Variants in CASZ1 observed in about 807,000 individuals in gnomAD.
CASZ1 encodes the protein zinc finger protein castor homolog 1.
A neutral mutation model predicts 135.2 loss-of-function variants in CASZ1; 28 were observed. The observed-to-expected ratio is 0.21, with a 90% confidence interval of 0.15 to 0.28. The LOEUF is 0.28. Among genes scored for constraint, CASZ1 ranks in the 10% least tolerant of loss-of-function variants. The probability of loss-of-function intolerance (pLI) is 1.00; values close to 1 mark genes in which losing one functional copy is unlikely to be tolerated. For missense variants in CASZ1, 2,161 were observed against 2,453.3 expected (o/e 0.88, Z 2.52); for synonymous variants, 1,068 against 1,073.4 (o/e 0.99, Z 0.10).
At position 10,724,988 on chromosome 1, in the gene CASZ1, T is replaced by C. The variant is rs947507320; in HGVS notation, c.-76-19444A>G. 1.3e-5 allele frequency among the ~76,000 whole-genome samples: 2 copies of C among 152,216 alleles called. No individual in the cohort carries two copies. Among genetic ancestry groups the C allele is most frequent in the Non-Finnish European group, 2.9e-5 (2 of 68,032 alleles). On this transcript the variant is annotated intron_variant, in intron 2 of 20. Transcript: ENST00000377022. The surrounding 1 kb of genome is among the most constrained non-coding windows in gnomAD (Gnocchi z 4.1). ...CAAATTACTTAATGTGTTGTAAATC[T>C]GGGGGAATTCAGGAGTAATTGGGAC...
chr1:10,675,322 G>A (rs554547764), intron 4 of CASZ1, among the ~76,000 whole-genome samples: 6 of 152,332 alleles, frequency 3.9e-5, no homozygotes, highest in Admixed American at 6.5e-5. Context: ...GACAGAGGAC[G>A]GGGCCAGGGT....
Position 10,759,403 on chromosome 1 carries a change from G to T in CASZ1, c.-77+1298C>A, listed in dbSNP as rs1640320989. On this transcript the variant is annotated intron_variant, in intron 2 of 20. Transcript: ENST00000377022. This position sits in a 1 kb window ranked among gnomAD's most constrained non-coding sequence, Gnocchi z 4.2. ...TAAACAGCCCCGGTGCTATCCAGGGGACAACGGCAGCACATCCTAAGTACG... is the reference window on the plus strand; with the variant it reads ...TAAACAGCCCCGGTGCTATCCAGGGTACAACGGCAGCACATCCTAAGTACG... Among the ~76,000 whole-genome samples the T allele has an allele frequency of 6.6e-6, 1 of 152,126 alleles. No homozygotes were observed. Among genetic ancestry groups the T allele is most frequent in the South Asian group, 2.1e-4 (1 of 4,830 alleles).
chr1:10,758,288 G>C (rs1016084530), intron 2 of CASZ1, among the ~76,000 whole-genome samples: 3 of 150,712 alleles, frequency 2.0e-5, no homozygotes, highest in Non-Finnish European at 2.9e-5. Flanking sequence ...CTGTTTGCTG[G>C]TGAGTGACTG....
At chr1:10,782,671 G>A (rs1441536471) in intron 1 of CASZ1, among the ~76,000 whole-genome samples, 1 of 152,128 alleles carries the variant, frequency 6.6e-6, no homozygotes, top group Non-Finnish European at 1.5e-5. Flanking sequence ...AGAGTAAAAT[G>A]TACAGCTGGG....
rs776231987 is a variant in CASZ1 at position 10,643,267 on chromosome 1, C to T, written c.3913G>A (p.Glu1305Lys). ...AGGAGGAAGGAGAACTGGCAGCCCT[C>T]CCGGATGCAGTGGAAGTGGCTGTTC... ...QVNSHFHCIR[E>K]GCQFSFLLKH... is the part of the protein sequence containing the mutation. Residue 1305 changes from glutamate to lysine, a missense_variant, in exon 19 of 21, where the codon GAG becomes AAG. Around this residue, in one of 7 missense-constraint regions of CASZ1, gnomAD observed 349 missense variants for 460.8 expected, o/e 0.76. Transcript: ENST00000377022. 2 of 1,613,160 alleles carry T rather than the reference C, an allele frequency of 1.2e-6. No homozygotes were observed. The highest frequency in any genetic ancestry group is 1.1e-5 in the South Asian group (1 of 91,050).
At position 10,705,885 on chromosome 1, in the gene CASZ1, G is replaced by A. The variant is rs556853293; in HGVS notation, c.-76-341C>T. ...GGAGGAGGCCGGGAGTGGGGGTGCT[G>A]GTGAAGTGGCCTGCACGCTCCCGTG... is the stretch of plus-strand genomic sequence containing the variant. On this transcript the variant is annotated intron_variant, in intron 2 of 20. Transcript: ENST00000377022. Among the ~76,000 whole-genome samples the A allele has an allele frequency of 7.2e-5, 11 of 152,380 alleles. 1 individual carries two copies. In the South Asian group the frequency reaches 2.3e-3, roughly 32 times the overall value.
chr1:10,670,434 G>A (rs867610040), intron 4 of CASZ1, among the ~76,000 whole-genome samples: 7 of 152,316 alleles, frequency 4.6e-5, no homozygotes, highest in Non-Finnish European at 7.4e-5. Flanking sequence ...AGTCAGGGGC[G>A]GGCGGCTGCC....
At chr1:10,743,245 C>T (rs1273377768) in intron 2 of CASZ1, among the ~76,000 whole-genome samples, 1 of 151,892 alleles carries the variant, frequency 6.6e-6, no homozygotes, top group East Asian at 1.9e-4. Flanking sequence ...AATCAGGGTC[C>T]AGTTAGCTGT....
At chr1:10,662,594 TCACA>T (rs936046168) in intron 5 of CASZ1, among the ~76,000 whole-genome samples, 5 of 142,564 alleles carry the variant, frequency 3.5e-5, no homozygotes, top group African/African-American at 1.1e-4. Context: ...ACACACACAA[TCACA>T]CACACTCTCA....
chr1:10,664,727 C>T (rs935365585), intron 5 of CASZ1, among the ~76,000 whole-genome samples: 2 of 152,112 alleles, frequency 1.3e-5, no homozygotes, highest in African/African-American at 4.8e-5. Context: ...GCTCAGGCCT[C>T]ACAGGTGTGT....
intron 1 of CASZ1, among the ~76,000 whole-genome samples, chr1:10,791,329 T>C (rs1640952562): frequency 6.6e-6 from 1 of 152,208 alleles, no homozygotes; most frequent in African/African-American, 2.4e-5. Context: ...AAAAACTTAG[T>C]CTTTCCAATT....
At chr1:10,645,247 AGGGCC>A (rs1570400813) in intron 17 of CASZ1, among the ~76,000 whole-genome samples, 159 bp from the exon 18 acceptor site, 1 of 152,202 alleles carries the variant, frequency 6.6e-6, no homozygotes, top group African/African-American at 2.4e-5. Context: ...AAAGCAGCGC[AGGGCC>A]GGGCGCGGTG....
At chr1:10,651,143 C>A in intron 11 of CASZ1, 67 bp from the exon 12 acceptor site, 1 of 1,342,452 alleles carries the variant, frequency 7.4e-7, no homozygotes, top group South Asian at 1.8e-5. Flanking sequence ...AGACAGCCGC[C>A]GTGCCCCCTG....
Position 10,693,922 on chromosome 1 carries a change from A to G in CASZ1, c.-23-10T>C, listed in dbSNP as rs1638847169. 6.2e-7 allele frequency: 1 copy of G among 1,612,224 alleles called. No homozygotes were observed. On this transcript the variant is annotated splice_polypyrimidine_tract_variant and intron_variant, in intron 3 of 20. Coordinates refer to ENST00000377022, the MANE Select transcript of CASZ1 (RefSeq NM_001079843.3). ...TCCTTGGTCCCAAACTCTTCGCAGA[A>G]CGCCACCAGGGGAAGACCGGGAGAG... is the stretch of plus-strand genomic sequence containing the variant.
intron 4 of CASZ1, among the ~76,000 whole-genome samples, chr1:10,665,957 A>AG (rs1423107273): frequency 6.6e-6 from 1 of 152,152 alleles, no homozygotes; most frequent in Non-Finnish European, 1.5e-5. Context: ...ACTGAGGCCC[A>AG]GGGAGGTTAA....
intron 2 of CASZ1, among the ~76,000 whole-genome samples, chr1:10,750,270 T>C (rs1013666303): frequency 6.6e-6 from 1 of 152,090 alleles, no homozygotes; most frequent in African/African-American, 2.4e-5. Flanking sequence ...CGATTTTCTT[T>C]TCTTTTCTTC....
intron 1 of CASZ1, among the ~76,000 whole-genome samples, chr1:10,772,339 C>A (rs1272935692): frequency 1.3e-5 from 2 of 152,222 alleles, no homozygotes; most frequent in Non-Finnish European, 2.9e-5. Flanking sequence ...TGGCCACATG[C>A]CCCCATTGGT....
intron 2 of CASZ1, among the ~76,000 whole-genome samples, chr1:10,730,155 G>C (rs542080968): frequency 6.6e-6 from 1 of 151,936 alleles, no homozygotes; most frequent in South Asian, 2.1e-4. Context: ...CTGTCACCCA[G>C]GCTGGAGTGC....
chr1:10,650,070 G>C (rs775257965), intron 13 of CASZ1: 1 of 152,562 alleles, frequency 6.6e-6, no homozygotes, highest in Non-Finnish European at 1.5e-5. Context: ...CTTCCCCACC[G>C]AGTGCCCGGC....
Sources: allele counts gnomAD v4.1 joint callset (sites outside exome capture counted in the v4.1 genomes callset), GRCh38; gene constraint gnomAD v4.1.1; regional missense constraint gnomAD v4.1.1; non-coding constraint Gnocchi (gnomAD v3.1); transcripts MANE v1.5; gene names NCBI Gene and HGNC (gene_info 2026-07-23, HGNC 2026-07-21).